The following PRR5L variants were observed in gnomAD, a reference collection of about 807,000 sequenced individuals.
PRR5L encodes the protein proline rich 5 like, also known as proline-rich protein 5-like.
In PRR5L, 21 loss-of-function variants were observed where a neutral mutation model predicts 36.4. The observed-to-expected ratio is 0.58, with a 90% CI of 0.41 to 0.83. The LOEUF (loss-of-function observed/expected upper bound fraction) is 0.83, where lower values mean the gene tolerates loss of function less well. Ranked by LOEUF, PRR5L falls within the 40% of genes least tolerant of loss-of-function variation. PRR5L has a pLI of 0.00. For synonymous variants in PRR5L, 188 were observed against 197.0 expected (o/e 0.95, Z 0.38); for missense variants, 381 against 473.3 (o/e 0.80, Z 1.81).
At chr11:36,336,067 T>C (rs1315590253) in intron 1 of PRR5L, among the ~76,000 whole-genome samples, 2 of 152,140 alleles carry the variant, frequency 1.3e-5, no homozygotes, top group African/African-American at 4.8e-5. Context: ...GGACAACCCT[T>C]CTTCCCATGG....
chr11:36,425,068 C>T (rs761740674), intron 4 of PRR5L, among the ~76,000 whole-genome samples: 6 of 152,074 alleles, frequency 3.9e-5, no homozygotes, highest in Non-Finnish European at 7.4e-5. Context: ...GTGATCCACC[C>T]GCCTCGGCCT....
intron 4 of PRR5L, among the ~76,000 whole-genome samples, chr11:36,429,426 G>A (rs1245982697): frequency 6.6e-6 from 1 of 152,140 alleles, no homozygotes; most frequent in Non-Finnish European, 1.5e-5. Flanking sequence ...TCTAACAAAT[G>A]AATGGTTTGA....
chr11:36,403,548 T>A (rs34672506), intron 3 of PRR5L, among the ~76,000 whole-genome samples, 170 bp downstream of exon 3: 21,868 of 151,526 alleles, frequency 0.14, 1,978 homozygotes, highest in African/African-American at 0.26. Flanking sequence ...CTGAGACCTG[T>A]GTCTGTCTAG....
At chr11:36,301,859 G>C (rs1194919171) in intron 1 of PRR5L, among the ~76,000 whole-genome samples, 11 of 152,214 alleles carry the variant, frequency 7.2e-5, no homozygotes, top group Admixed American at 7.2e-4. Context: ...TGAAATTATT[G>C]TGTTTTAGGT....
chr11:36,315,712 G>A (rs1856548875), intron 1 of PRR5L, among the ~76,000 whole-genome samples: 2 of 152,192 alleles, frequency 1.3e-5, no homozygotes, highest in South Asian at 4.1e-4. Flanking sequence ...TTATGAAGGT[G>A]GAATATGCAT....
intron 4 of PRR5L, chr11:36,425,413 A>G (rs1564945162): frequency 6.6e-6 from 1 of 152,154 alleles, no homozygotes; most frequent in East Asian, 1.9e-4. Flanking sequence ...CCCTCAAGGA[A>G]TCTCCAGGAA....
intron 3 of PRR5L, among the ~76,000 whole-genome samples, chr11:36,418,968 G>A (rs954676851): frequency 2.0e-5 from 3 of 152,066 alleles, no homozygotes; most frequent in Admixed American, 2.0e-4. Flanking sequence ...ATAAAGTCAG[G>A]TGCCCTGGCC....
intron 1 of PRR5L, among the ~76,000 whole-genome samples, chr11:36,331,874 C>T (rs1195961095): frequency 6.6e-6 from 1 of 152,156 alleles, no homozygotes; most frequent in Non-Finnish European, 1.5e-5. Flanking sequence ...TCCAGAAAAA[C>T]AGAATGTGTC....
chr11:36,364,522 G>C (rs1857125029), intron 1 of PRR5L, among the ~76,000 whole-genome samples: 1 of 152,168 alleles, frequency 6.6e-6, no homozygotes, highest in Admixed American at 6.5e-5. Context: ...TTCTTAGGAT[G>C]GTCATGGAGA....
intron 1 of PRR5L, among the ~76,000 whole-genome samples, chr11:36,360,056 CACACA>C (rs1857069411): frequency 9.4e-6 from 1 of 106,450 alleles, no homozygotes. Flanking sequence ...CACACACACA[CACACA>C]CATACACACA....
intron 3 of PRR5L, among the ~76,000 whole-genome samples, chr11:36,418,596 A>G (rs1051573446): frequency 2.6e-5 from 4 of 152,084 alleles, no homozygotes; most frequent in Non-Finnish European, 5.9e-5. Flanking sequence ...GGAGATCGAG[A>G]CCATCCTGGC....
intron 1 of PRR5L, among the ~76,000 whole-genome samples, chr11:36,336,265 G>C (rs1856767792): frequency 6.6e-6 from 1 of 152,170 alleles, no homozygotes; most frequent in African/African-American, 2.4e-5. Context: ...TGAGGTCTCT[G>C]TTGCCCAGGC....
chr11:36,320,737 GT>G (rs1856606980), intron 1 of PRR5L, among the ~76,000 whole-genome samples: 1 of 152,114 alleles, frequency 6.6e-6, no homozygotes, highest in African/African-American at 2.4e-5. Context: ...CTCAATCTTT[GT>G]TTAGTCTTTT....
chr11:36,420,762 A>G (rs78253713), intron 4 of PRR5L, among the ~76,000 whole-genome samples: 10,725 of 150,498 alleles, frequency 0.071, 379 homozygotes, highest in African/African-American at 0.088. Flanking sequence ...TCCTTTTATA[A>G]TTTTTCTTTA....
At chr11:36,360,886 A>ATAAC (rs200327979) in intron 1 of PRR5L, among the ~76,000 whole-genome samples, 1,658 of 152,338 alleles carry the variant, frequency 0.011, 36 homozygotes, top group African/African-American at 0.038. Context: ...AGAAGCAAGT[A>ATAAC]TAACTCTACA....
intron 1 of PRR5L, chr11:36,379,285 G>A (rs1019207138): frequency 2.0e-5 from 3 of 152,208 alleles, no homozygotes; most frequent in African/African-American, 7.2e-5. Flanking sequence ...AGGTATGCAT[G>A]TGTCTGTTTT....
chr11:36,326,065 G>A (rs566678661), intron 1 of PRR5L, among the ~76,000 whole-genome samples: 13 of 152,210 alleles, frequency 8.5e-5, no homozygotes, highest in African/African-American at 3.1e-4. Context: ...CAGCAACAAT[G>A]TGTGCCTTTA....
intron 1 of PRR5L, among the ~76,000 whole-genome samples, chr11:36,312,102 G>C (rs1419979557): frequency 6.6e-6 from 1 of 152,178 alleles, no homozygotes; most frequent in East Asian, 1.9e-4. Flanking sequence ...TTGGGAGTAG[G>C]AACAGGGTAG....
At chr11:36,361,936 G>A (rs148919527) in intron 1 of PRR5L, among the ~76,000 whole-genome samples, 644 of 151,950 alleles carry the variant, frequency 4.2e-3, no homozygotes, top group Middle Eastern at 6.9e-3. Context: ...ATGAGGCACA[G>A]TTGGATAAAG....
Sources: gnomAD v4.1 joint callset for allele counts (sites outside exome capture counted in the v4.1 genomes callset) on GRCh38, gnomAD v4.1.1 for gene constraint, MANE v1.5 for transcripts, NCBI Gene and HGNC (gene_info 2026-07-23, HGNC 2026-07-21) for gene names.